Variants in ARMC9 observed in about 807,000 individuals in gnomAD.
ARMC9 encodes lisH domain-containing protein ARMC9.
In ARMC9, 94 loss-of-function variants were observed where a neutral mutation model predicts 107.0. That is an observed-to-expected ratio of 0.88 (90% CI 0.74 to 1.04). The LOEUF is 1.04. Among genes scored for constraint, ARMC9 ranks in the 50% least tolerant of loss-of-function variants. ARMC9 has a pLI of 0.00. For missense variants in ARMC9, 942 were observed against 1,030.1 expected, an observed-to-expected ratio of 0.91 and a Z score of 1.17; for synonymous variants, 380 against 396.9, an observed-to-expected ratio of 0.96 and a Z score of 0.51.
intron 23 of ARMC9, among the ~76,000 whole-genome samples, chr2:231,365,354 A>G (rs2045771807): frequency 6.6e-6 from 1 of 152,098 alleles, no homozygotes; most frequent in Non-Finnish European, 1.5e-5. Context: ...CAATAGGAAC[A>G]TTGTGTTGGG....
chr2:231,285,891 T>C (rs1007049269), intron 17 of ARMC9, among the ~76,000 whole-genome samples: 5 of 149,270 alleles, frequency 3.3e-5, no homozygotes, highest in South Asian at 2.1e-4. Flanking sequence ...AAAGCCATTA[T>C]ATTCTCTTTG....
chr2:231,225,206 A>T (rs556574243), intron 6 of ARMC9, among the ~76,000 whole-genome samples: 2 of 152,222 alleles, frequency 1.3e-5, no homozygotes, highest in Non-Finnish European at 2.9e-5. Flanking sequence ...GTATATTTCT[A>T]TGCATTTTTA....
intron 8 of ARMC9, among the ~76,000 whole-genome samples, chr2:231,237,310 A>G (rs878933285): frequency 6.6e-6 from 1 of 152,174 alleles, no homozygotes; most frequent in Admixed American, 6.5e-5. Flanking sequence ...AGATCTTTCC[A>G]TATGACCAGA....
chr2:231,313,114 CT>C (rs2125517301), intron 19 of ARMC9, among the ~76,000 whole-genome samples: 1 of 152,276 alleles, frequency 6.6e-6, no homozygotes, highest in Non-Finnish European at 1.5e-5. Flanking sequence ...CCTATTTTCC[CT>C]TTCAATTCTG....
At chr2:231,291,814 CA>C (rs1164137086) in intron 18 of ARMC9, among the ~76,000 whole-genome samples, 155 of 129,896 alleles carry the variant, frequency 1.2e-3, no homozygotes, top group East Asian at 1.1e-3. Context: ...GACTCCATCT[CA>C]AAAAAAAAAA....
chr2:231,253,157 G>A (rs1006062706), intron 9 of ARMC9, among the ~76,000 whole-genome samples: 1 of 150,594 alleles, frequency 6.6e-6, no homozygotes, highest in African/African-American at 2.4e-5. Context: ...TGGAGTCTTG[G>A]TCTGTCACCC....
chr2:231,328,297 T>C (rs115839080), intron 19 of ARMC9, among the ~76,000 whole-genome samples: 1,820 of 152,316 alleles, frequency 0.012, 33 homozygotes, highest in African/African-American at 0.041. Flanking sequence ...TTATTTTAGT[T>C]ACTAGTCTTC....
chr2:231,363,922 A>G (rs1021359802), intron 23 of ARMC9, among the ~76,000 whole-genome samples: 10 of 147,822 alleles, frequency 6.8e-5, no homozygotes, highest in Non-Finnish European at 7.4e-5. Flanking sequence ...CCCAGACCCT[A>G]CAATCATGGT....
Position 231,318,877 on chromosome 2 carries a change from G to T in ARMC9, c.1774-12916G>T, listed in dbSNP as rs538251708. 5.1e-4 allele frequency among the ~76,000 whole-genome samples: 78 copies of T among 152,302 alleles called. No homozygotes were observed. In the South Asian group the frequency reaches 0.016, roughly 31 times the overall value. On this transcript the variant is annotated intron_variant, in intron 19 of 24. Transcript: ENST00000611582. ...CTAGGGATATAGCGGTAAAAGCAAA[G>T]CAGACATCCTATTTGGAGAAAGCAA...
intron 5 of ARMC9, among the ~76,000 whole-genome samples, chr2:231,218,603 G>A (rs2033783024): frequency 6.6e-6 from 1 of 152,160 alleles, no homozygotes; most frequent in African/African-American, 2.4e-5. Flanking sequence ...GTTCCAAGGT[G>A]GAGTTCAGCT....
chr2:231,278,926 A>G (rs953170720), intron 16 of ARMC9, among the ~76,000 whole-genome samples: 25 of 152,184 alleles, frequency 1.6e-4, no homozygotes, highest in African/African-American at 6.0e-4. Flanking sequence ...GTTGCTTTAC[A>G]TATGTCTAGT....
chr2:231,329,797 T>G (rs1277778229), intron 19 of ARMC9, among the ~76,000 whole-genome samples: 3 of 152,204 alleles, frequency 2.0e-5, no homozygotes, highest in Admixed American at 6.5e-5. Context: ...TGTGAGCTTT[T>G]TGAATTCATT....
Position 231,321,067 on chromosome 2 carries a change from T to A in ARMC9, c.1774-10726T>A, listed in dbSNP as rs553160811. Among the ~76,000 whole-genome samples the A allele has an allele frequency of 2.0e-5, 3 of 152,334 alleles. No homozygotes were observed. The East Asian group carries it at 5.8e-4, about 29-fold the overall frequency. ...GCAAGCTGGTGAACCTCACCAAGCC[T>A]CAGTGTTCTCATCTGTAAAGCGAGA... On this transcript the variant is annotated intron_variant, in intron 19 of 24. Transcript: ENST00000611582.
At position 231,220,753 on chromosome 2, in the gene ARMC9, A is replaced by G. The variant is rs539752865; in HGVS notation, c.505-1975A>G. Reference sequence around the variant, plus strand: ...AAGCACAGAAAAAATAAGAATGGTCAAGAAAAAAATAGGTGACTCATGTCC... The same window carrying G: ...AAGCACAGAAAAAATAAGAATGGTCGAGAAAAAAATAGGTGACTCATGTCC... On this transcript the variant is annotated intron_variant, in intron 5 of 24. Transcript: ENST00000611582. Among the ~76,000 whole-genome samples, 3 of 152,312 alleles carry G rather than the reference A, an allele frequency of 2.0e-5. No homozygotes were observed. In the East Asian group the frequency reaches 5.8e-4, roughly 29 times the overall value.
At chr2:231,222,111 T>A (rs2034201100) in intron 5 of ARMC9, among the ~76,000 whole-genome samples, 1 of 152,190 alleles carries the variant, frequency 6.6e-6, no homozygotes, top group African/African-American at 2.4e-5. Flanking sequence ...AGGAAAATTG[T>A]CCTGAGACAA....
intron 20 of ARMC9, among the ~76,000 whole-genome samples, chr2:231,338,523 G>A (rs1424879570): frequency 4.0e-5 from 6 of 149,630 alleles, no homozygotes; most frequent in South Asian, 4.2e-4. Context: ...CACCTCGCCC[G>A]GCCCCAATTC....
At position 231,272,199 on chromosome 2, in the gene ARMC9, T is replaced by G. The variant is rs1456434364; in HGVS notation, c.1211-756T>G. 3.2e-3 allele frequency among the ~76,000 whole-genome samples: 473 copies of G among 146,372 alleles called. 5 individuals are homozygous for G. Among genetic ancestry groups the G allele is most frequent in the African/African-American group, 0.011 (417 of 39,388 alleles). ...GTGTGTGTGTTTGGTTTTTTTTTTT[T>G]TTTTTTTTTTTGAGAGAGTCTCACT... On this transcript the variant is annotated intron_variant, in intron 13 of 24. Transcript: ENST00000611582.
At chr2:231,309,544 C>G (rs2042219594) in intron 19 of ARMC9, among the ~76,000 whole-genome samples, 1 of 152,094 alleles carries the variant, frequency 6.6e-6, no homozygotes, top group Non-Finnish European at 1.5e-5. Context: ...GATCAAATCA[C>G]TATCACTTGG....
At chr2:231,326,631 G>C (rs969777645) in intron 19 of ARMC9, among the ~76,000 whole-genome samples, 1 of 152,158 alleles carries the variant, frequency 6.6e-6, no homozygotes, top group South Asian at 2.1e-4. Flanking sequence ...TGGAGAGGCG[G>C]GGTAGCTTCC....
Sources: gnomAD v4.1 joint callset for allele counts (sites outside exome capture counted in the v4.1 genomes callset) on GRCh38, gnomAD v4.1.1 for gene constraint, MANE v1.5 for transcripts, NCBI Gene and HGNC (gene_info 2026-07-23, HGNC 2026-07-21) for gene names.